The following ZNF385B variants were observed in gnomAD, a reference collection of about 807,000 sequenced individuals.
ZNF385B encodes the protein zinc finger protein 533.
In ZNF385B, 23 loss-of-function variants were observed where a neutral mutation model predicts 39.2. The ratio of observed to expected loss-of-function variants is 0.59; its 90% confidence interval spans 0.42 to 0.83. The LOEUF (loss-of-function observed/expected upper bound fraction) is 0.83, where lower values mean the gene tolerates loss of function less well. Ranked by LOEUF, ZNF385B falls within the 40% of genes least tolerant of loss-of-function variation. ZNF385B has a pLI of 0.00. For missense variants in ZNF385B, 552 were observed against 598.9 expected (o/e 0.92, Z 0.82); for synonymous variants, 205 against 222.6 (o/e 0.92, Z 0.70).
intron 1 of ZNF385B, among the ~76,000 whole-genome samples, chr2:179,813,504 T>A (rs1706865060): frequency 6.6e-6 from 1 of 151,996 alleles, no homozygotes; most frequent in African/African-American, 2.4e-5. Context: ...ATCATACAAG[T>A]CAACAAAAAA....
At chr2:179,663,407 T>C (rs1694721382) in intron 3 of ZNF385B, among the ~76,000 whole-genome samples, 1 of 152,178 alleles carries the variant, frequency 6.6e-6, no homozygotes, top group South Asian at 2.1e-4. Flanking sequence ...AGAGCAATTA[T>C]TTTAAAAATT....
intron 3 of ZNF385B, among the ~76,000 whole-genome samples, chr2:179,761,583 GAT>G (rs1491167470): frequency 6.8e-6 from 1 of 146,490 alleles, no homozygotes; most frequent in Non-Finnish European, 1.5e-5. Flanking sequence ...ATATGCAATT[GAT>G]TTTTTTTTTT....
In ZNF385B at chr2:179,528,067, T is replaced by C. The variant is rs543491472; in HGVS notation, c.442-9429A>G. Reference sequence around the variant, plus strand: ...TTTACATGTAAAGTCATACCAAATATGCAAAAAAACAAAACAAAACAAAAA... The same window carrying C: ...TTTACATGTAAAGTCATACCAAATACGCAAAAAAACAAAACAAAACAAAAA... On this transcript the variant is annotated intron_variant, in intron 4 of 9. Transcript: ENST00000410066. Among the ~76,000 whole-genome samples, 65 of 152,174 alleles carry C rather than the reference T, an allele frequency of 4.3e-4. 1 individual carries two copies. In the South Asian group the frequency reaches 9.7e-3, roughly 23 times the overall value.
chr2:179,549,699 T>C (rs943541543), intron 3 of ZNF385B, among the ~76,000 whole-genome samples: 3 of 149,502 alleles, frequency 2.0e-5, no homozygotes, highest in African/African-American at 5.0e-5. Flanking sequence ...TTATTGGCAA[T>C]AGTGTTTAAT....
chr2:179,507,203 G>A (rs947802678), intron 5 of ZNF385B, among the ~76,000 whole-genome samples: 3 of 152,140 alleles, frequency 2.0e-5, no homozygotes, highest in Non-Finnish European at 2.9e-5. Flanking sequence ...CCTGTGAGAA[G>A]GGAAGATTCA....
intron 3 of ZNF385B, among the ~76,000 whole-genome samples, chr2:179,573,730 G>C (rs1685492585): frequency 6.6e-6 from 1 of 152,006 alleles, no homozygotes; most frequent in South Asian, 2.1e-4. Context: ...GGATGAGAAA[G>C]CTTTCAAGGC....
chr2:179,758,258 G>T (rs1361526210), intron 3 of ZNF385B, among the ~76,000 whole-genome samples: 3 of 152,092 alleles, frequency 2.0e-5, no homozygotes, highest in East Asian at 1.9e-4. Flanking sequence ...TTAAATAATA[G>T]AAATTTATTT....
Position 179,635,321 on chromosome 2 carries a change from G to C in ZNF385B, c.299-90352C>G, listed in dbSNP as rs1475787652. Reference sequence around the variant, plus strand: ...ACACCGCATGTTCTCACTCATATGTGGGAATTGAACAATGAGATCACTTGG... The same window carrying C: ...ACACCGCATGTTCTCACTCATATGTCGGAATTGAACAATGAGATCACTTGG... On this transcript the variant is annotated intron_variant, in intron 3 of 9. Coordinates refer to ENST00000410066, the MANE Select transcript of ZNF385B (RefSeq NM_152520.6). Among the ~76,000 whole-genome samples the C allele has an allele frequency of 3.5e-5, 5 of 142,166 alleles. No individual in the cohort carries two copies. The East Asian group carries it at 1.1e-3, about 32-fold the overall frequency. The allele number at this position is 142,166 out of a possible 152,430, so 93.3% of individuals were successfully genotyped here.
At chr2:179,445,111 G>T in intron 8 of ZNF385B, 134 bp from the exon 9 acceptor site, 1 of 750,214 alleles carries the variant, frequency 1.3e-6, no homozygotes, top group Non-Finnish European at 2.3e-6. Flanking sequence ...AAATCATTAT[G>T]ATTTCTAAAT....
At chr2:179,792,136 C>T (rs1370893930) in intron 1 of ZNF385B, among the ~76,000 whole-genome samples, 1 of 152,118 alleles carries the variant, frequency 6.6e-6, no homozygotes, top group Non-Finnish European at 1.5e-5. Flanking sequence ...CTAAAGTGTT[C>T]ACTCAAGACA....
intron 6 of ZNF385B, among the ~76,000 whole-genome samples, chr2:179,462,666 A>C (rs2051471998): frequency 6.6e-6 from 1 of 152,198 alleles, no homozygotes; most frequent in South Asian, 2.1e-4. Flanking sequence ...GTTGTAAGAG[A>C]TGTAAAGATG....
chr2:179,732,708 G>A (rs1376338354), intron 3 of ZNF385B, among the ~76,000 whole-genome samples: 1 of 152,090 alleles, frequency 6.6e-6, no homozygotes, highest in Non-Finnish European at 1.5e-5. Context: ...ATCATAAAAT[G>A]TCCATCATCT....
intron 3 of ZNF385B, among the ~76,000 whole-genome samples, chr2:179,564,089 C>A (rs536913407): frequency 2.9e-4 from 44 of 152,212 alleles, no homozygotes; most frequent in Non-Finnish European, 5.7e-4. Flanking sequence ...ATCAGCATCA[C>A]CTGAGAACTT....
intron 1 of ZNF385B, among the ~76,000 whole-genome samples, chr2:179,852,060 A>G (rs1306208842): frequency 6.6e-6 from 1 of 152,200 alleles, no homozygotes; most frequent in Non-Finnish European, 1.5e-5. Context: ...AAAGACTTCA[A>G]GGATTTGCAA....
intron 3 of ZNF385B, among the ~76,000 whole-genome samples, chr2:179,569,635 G>A (rs1208929245): frequency 6.6e-6 from 1 of 152,138 alleles, no homozygotes; most frequent in Non-Finnish European, 1.5e-5. Flanking sequence ...GTTTTGTTTT[G>A]ACAGGTTAGA....
chr2:179,483,576 T>A, intron 5 of ZNF385B, 142 bp from the exon 6 acceptor site: 1 of 1,106,088 alleles, frequency 9.0e-7, no homozygotes, highest in East Asian at 2.5e-5. Context: ...TGGCACTTCA[T>A]GAAATGGTAG....
chr2:179,643,125 A>AT (rs1393514816), intron 3 of ZNF385B, among the ~76,000 whole-genome samples: 2 of 13,704 alleles, frequency 1.5e-4, no homozygotes, highest in African/African-American at 2.5e-4. Flanking sequence ...AAGGGAAACT[A>AT]TTTTTGTTTT....
intron 3 of ZNF385B, among the ~76,000 whole-genome samples, chr2:179,622,325 G>C (rs1382802380): frequency 6.6e-6 from 1 of 152,050 alleles, no homozygotes; most frequent in African/African-American, 2.4e-5. Context: ...GCCTAGCTTG[G>C]GTTGGTATAA....
intron 3 of ZNF385B, among the ~76,000 whole-genome samples, chr2:179,718,743 C>T (rs977032032): frequency 1.3e-5 from 2 of 150,402 alleles, no homozygotes; most frequent in African/African-American, 4.9e-5. Flanking sequence ...TGCCTCATGC[C>T]TGTAATCACA....
Sources: allele counts gnomAD v4.1 joint callset (sites outside exome capture counted in the v4.1 genomes callset), GRCh38; gene constraint gnomAD v4.1.1; transcripts MANE v1.5; gene names NCBI Gene and HGNC (gene_info 2026-07-23, HGNC 2026-07-21).